The following TRPM4 variants were observed in gnomAD, a reference collection of about 807,000 sequenced individuals.
The protein encoded by TRPM4 is calcium-activated non-selective cation channel 1.
TRPM4 carries 124 observed loss-of-function variants against 135.6 expected under a neutral mutation model. That is an observed-to-expected ratio of 0.91 (90% CI 0.79 to 1.06). The LOEUF is 1.06. Ranked by LOEUF, TRPM4 falls within the 50% of genes least tolerant of loss-of-function variation. The pLI, the probability that TRPM4 is intolerant of heterozygous loss-of-function variation, is 0.00. For missense variants in TRPM4, 1,658 were observed against 1,671.4 expected (o/e 0.99, Z 0.14); for synonymous variants, 745 against 705.6 (o/e 1.06, Z -0.88).
chr19:49,169,098 G>C (rs187449303), intron 6 of TRPM4, among the ~76,000 whole-genome samples: 1 of 151,130 alleles, frequency 6.6e-6, no homozygotes, highest in East Asian at 2.0e-4. Context: ...TACTTGGGAG[G>C]CTAAGGTGAG....
At chr19:49,162,514 G>A (rs1967003479) in intron 2 of TRPM4, among the ~76,000 whole-genome samples, 1 of 152,004 alleles carries the variant, frequency 6.6e-6, no homozygotes, top group African/African-American at 2.4e-5. Flanking sequence ...ATTCTAGCCT[G>A]GGAGACAGAG....
chr19:49,189,428 T>A (rs939943981), intron 14 of TRPM4, among the ~76,000 whole-genome samples: 1 of 152,162 alleles, frequency 6.6e-6, no homozygotes, highest in African/African-American at 2.4e-5. Flanking sequence ...TCAAAGGAAG[T>A]CCTAGCTCAT....
chr19:49,197,302 CTT>C (rs1469637530), intron 17 of TRPM4, among the ~76,000 whole-genome samples: 2 of 122,832 alleles, frequency 1.6e-5, no homozygotes, highest in African/African-American at 7.4e-5. Context: ...CTTTCTCTTT[CTT>C]TCTTTTTCTT....
chr19:49,193,150 G>A (rs1442415964), intron 16 of TRPM4, among the ~76,000 whole-genome samples: 2 of 146,714 alleles, frequency 1.4e-5, no homozygotes, highest in Non-Finnish European at 3.0e-5. Flanking sequence ...GCATGATCTC[G>A]GCTCACTGCA....
chr19:49,189,674 A>G (rs1420485196), intron 14 of TRPM4, among the ~76,000 whole-genome samples: 2 of 152,000 alleles, frequency 1.3e-5, no homozygotes, highest in East Asian at 3.9e-4. Context: ...TTTTGGAAAC[A>G]TTATCAATAT....
rs1410837416 is a variant in TRPM4, at chr19:49,211,537, G to A, written c.*39G>A. 8.7e-6 allele frequency: 14 copies of A among 1,613,812 alleles called. No individual in the cohort carries two copies. Among genetic ancestry groups the A allele is most frequent in the Non-Finnish European group, 1.2e-5 (14 of 1,179,988 alleles). ...ACTTCAAGGAGAAGCCCCCACAGGG[G>A]ATTTTGCTCCTAGAGTAAGGCTCAT... On this transcript the variant is annotated 3_prime_UTR_variant, in exon 25 of 25. Transcript: ENST00000252826. The surrounding 1 kb of genome is among the most constrained non-coding windows in gnomAD (Gnocchi z 4.8).
Position 49,181,393 on chromosome 19 carries a change from TTGGCTG to T in TRPM4, c.1201_1206del (p.Val401_Ala402del), listed in dbSNP as rs1568469613. On this transcript the variant is annotated inframe_deletion, in exon 10 of 25. Transcript: ENST00000252826. ...CTCAGCCTACCTGGATGAGCTGCGT[TTGGCTG>T]TGGCTTGGAACCGCGTGGACATTGC... The T allele has an allele frequency of 6.2e-7, 1 of 1,614,014 alleles. No homozygotes were observed. The highest frequency in any genetic ancestry group is 8.5e-7 in the Non-Finnish European group (1 of 1,179,998).
rs1210530442 is a variant in TRPM4, at chr19:49,183,141, C to G, written c.1672C>G (p.Pro558Ala). ...LSLDAGLGQA[P>A]WSDLLLWALL... The stretch of plus-strand genomic sequence containing the variant: ...GCTGGATGCTGGCCTCGGGCAGGCC[C>G]CCTGGAGCGACCTGCTTCTTTGGGC... The change falls in exon 12 of 25, where the codon CCC becomes GCC. Residue 558 changes from proline to alanine, a missense_variant. Coordinates refer to ENST00000252826, the MANE Select transcript of TRPM4 (RefSeq NM_017636.4). 3.4e-5 allele frequency: 55 copies of G among 1,613,898 alleles called. No homozygotes were observed. Among genetic ancestry groups the G allele is most frequent in the Non-Finnish European group, 4.6e-5 (54 of 1,180,036 alleles).
At chr19:49,169,334 C>T (rs1210523424) in intron 6 of TRPM4, among the ~76,000 whole-genome samples, 12 of 147,158 alleles carry the variant, frequency 8.2e-5, no homozygotes, top group South Asian at 6.9e-4. Flanking sequence ...TGCAGTGGCG[C>T]GATCTCGGCT....
chr19:49,174,743 C>CAAAA (rs34163341), intron 9 of TRPM4, among the ~76,000 whole-genome samples: 1 of 94,530 alleles, frequency 1.1e-5, no homozygotes, highest in African/African-American at 4.0e-5. Context: ...GACTCTGTCT[C>CAAAA]AAAAAAAAAA....
intron 17 of TRPM4, among the ~76,000 whole-genome samples, chr19:49,197,987 C>G (rs765431204): frequency 1.2e-4 from 18 of 151,828 alleles, no homozygotes; most frequent in Admixed American, 9.9e-4. Context: ...CCGTGCCTGG[C>G]CAACAACCTG....
At chr19:49,181,207 T>C in intron 9 of TRPM4, 142 bp from the exon 10 acceptor site, 1 of 686,838 alleles carries the variant, frequency 1.5e-6, no homozygotes, top group South Asian at 1.6e-5. Flanking sequence ...CCTGACTGCT[T>C]TAAGACCCCC....
At chr19:49,167,265 C>CA (rs2122793065) in intron 3 of TRPM4, among the ~76,000 whole-genome samples, 1 of 143,336 alleles carries the variant, frequency 7.0e-6, no homozygotes, top group South Asian at 2.3e-4. Flanking sequence ...GTCTCTGTCC[C>CA]TCTCTCTCTG....
chr19:49,180,469 TGTGTGTG>T (rs1168822377), intron 9 of TRPM4, among the ~76,000 whole-genome samples: 37 of 146,728 alleles, frequency 2.5e-4, no homozygotes, highest in African/African-American at 9.5e-4. Context: ...TGTGTGTGTG[TGTGTGTG>T]TTGCACCCGG....
chr19:49,168,947 G>T (rs570685001), intron 6 of TRPM4, among the ~76,000 whole-genome samples: 2 of 151,888 alleles, frequency 1.3e-5, no homozygotes, highest in Middle Eastern at 3.2e-3. Context: ...CGAGGTAGGA[G>T]GATTGCTTGA....
At chr19:49,175,321 C>T (rs188324650) in intron 9 of TRPM4, among the ~76,000 whole-genome samples, 2 of 151,960 alleles carry the variant, frequency 1.3e-5, no homozygotes, top group African/African-American at 2.4e-5. Flanking sequence ...GTGATCCGCC[C>T]GCCTCGGCCT....
chr19:49,162,660 A>G (rs185563226), intron 2 of TRPM4, among the ~76,000 whole-genome samples: 158 of 152,318 alleles, frequency 1.0e-3, no homozygotes, highest in African/African-American at 3.5e-3. Flanking sequence ...ACTGAATGTC[A>G]GAATTTTCCA....
At position 49,200,604 on chromosome 19, in the gene TRPM4, C is replaced by T. The variant is rs1488158258; in HGVS notation, c.2779-7C>T. ...GCGGGGCCAGACTCAGCCACATCTC[C>T]CCACAGATGAAGGACGTGTTCTTCT... is the stretch of plus-strand genomic sequence containing the variant. On this transcript the variant is annotated splice_polypyrimidine_tract_variant and splice_region_variant and intron_variant, in intron 18 of 24. Coordinates refer to ENST00000252826, the MANE Select transcript of TRPM4 (RefSeq NM_017636.4). 3.7e-6 allele frequency: 6 copies of T among 1,612,114 alleles called. No homozygotes were observed. In the South Asian group the frequency reaches 5.5e-5, roughly 15 times the overall value.
intron 14 of TRPM4, among the ~76,000 whole-genome samples, chr19:49,189,541 C>CT (rs142961946): frequency 0.3 from 43,110 of 145,030 alleles, 6,299 homozygotes; most frequent in South Asian, 0.37. Context: ...GAACAATTAC[C>CT]TTTTTTTTTT....
Sources: allele counts gnomAD v4.1 joint callset (sites outside exome capture counted in the v4.1 genomes callset), GRCh38; gene constraint gnomAD v4.1.1; non-coding constraint Gnocchi (gnomAD v3.1); transcripts MANE v1.5; gene names NCBI Gene and HGNC (gene_info 2026-07-23, HGNC 2026-07-21).